BNC2: variants seen among roughly 807,000 people sequenced by gnomAD.
BNC2 encodes zinc finger protein basonuclin-2.
Under a neutral mutation model 76.3 loss-of-function variants are expected in BNC2, and 20 were observed. That is an observed-to-expected ratio of 0.26 (90% confidence interval 0.18 to 0.38). The LOEUF (loss-of-function observed/expected upper bound fraction) is 0.38, where lower values mean the gene tolerates loss of function less well. BNC2 is among the 10% of genes least tolerant of loss of function. The pLI is 1.00. For missense variants in BNC2, 1,382 were observed against 1,399.8 expected, an observed-to-expected ratio of 0.99 and a Z score of 0.20; for synonymous variants, 582 against 514.8, an observed-to-expected ratio of 1.13 and a Z score of -1.77.
intron 3 of BNC2, among the ~76,000 whole-genome samples, chr9:16,637,687 A>G (rs1821368698): frequency 6.6e-6 from 1 of 152,246 alleles, no homozygotes; most frequent in Non-Finnish European, 1.5e-5. Context: ...TGTACACACA[A>G]CCATGCATCT....
intron 1 of BNC2, among the ~76,000 whole-genome samples, chr9:16,803,372 C>A (rs1368920881): frequency 2.0e-5 from 3 of 152,092 alleles, no homozygotes; most frequent in African/African-American, 4.8e-5. Context: ...ACCTCTGCCC[C>A]AAAAAGAGCA....
chr9:16,530,722 C>A (rs1817949706), intron 5 of BNC2, among the ~76,000 whole-genome samples: 1 of 152,186 alleles, frequency 6.6e-6, no homozygotes, highest in Admixed American at 6.5e-5. Flanking sequence ...ATGTTGTAAG[C>A]TGTGTGGGCA....
At chr9:16,835,583 C>G (rs1212727902) in intron 1 of BNC2, among the ~76,000 whole-genome samples, 1 of 152,156 alleles carries the variant, frequency 6.6e-6, no homozygotes, top group Non-Finnish European at 1.5e-5. Context: ...TGCCTTTAGT[C>G]CCAGCTACTT....
chr9:16,748,861 A>G (rs1825091306), intron 1 of BNC2, among the ~76,000 whole-genome samples: 1 of 146,940 alleles, frequency 6.8e-6, no homozygotes, highest in Non-Finnish European at 1.5e-5. Flanking sequence ...AAAAAAAAAA[A>G]AAAGCAATGG....
At chr9:16,558,539 C>A (rs943832008) in intron 4 of BNC2, among the ~76,000 whole-genome samples, 6 of 152,148 alleles carry the variant, frequency 3.9e-5, no homozygotes, top group African/African-American at 1.4e-4. Context: ...GTCCCCTCTG[C>A]CATTTTCTCA....
At chr9:16,681,716 C>A (rs1822826859) in intron 3 of BNC2, among the ~76,000 whole-genome samples, 1 of 152,168 alleles carries the variant, frequency 6.6e-6, no homozygotes, top group Non-Finnish European at 1.5e-5. Flanking sequence ...AACATGCAGT[C>A]ACTTGACTTG....
In BNC2 at chr9:16,416,654, T is replaced by C. The variant is rs561548620; in HGVS notation, c.*2335A>G. 4.6e-4 allele frequency: 71 copies of C among 152,734 alleles called. No individual in the cohort carries two copies. The highest frequency in any genetic ancestry group is 1.7e-3 in the African/African-American group (69 of 41,576). 9.5% of individuals were successfully genotyped at this position (152,734 alleles called of 1,614,324 possible). On this transcript the variant is annotated 3_prime_UTR_variant, in exon 7 of 7. Transcript: ENST00000380672. ...GATATAGTTTCTTTTGTACTGCAAA[T>C]ACTTTTGGTCTTTCCTCCCCGTAGA...
intron 6 of BNC2, among the ~76,000 whole-genome samples, chr9:16,431,053 T>C (rs1820898519): frequency 1.3e-5 from 2 of 152,134 alleles, no homozygotes; most frequent in South Asian, 2.1e-4. Context: ...GCCACTACTC[T>C]GAGAAGAAGA....
intron 1 of BNC2, among the ~76,000 whole-genome samples, chr9:16,771,145 G>C (rs1825822229): frequency 6.6e-6 from 1 of 152,054 alleles, no homozygotes. Flanking sequence ...CTCCAGCCTG[G>C]GTGACAGAGC....
rs370550060 is a variant in BNC2 at position 16,747,018 on chromosome 9, A to G, written c.4-8533T>C. ...AAAAGAATTATACTTTCCACCTAAC[A>G]GATATTAAAACATCTGAAATTCTTC... On this transcript the variant is annotated intron_variant, in intron 1 of 6. Transcript: ENST00000380672. Among the ~76,000 whole-genome samples, 23 of 152,250 alleles carry G rather than the reference A, an allele frequency of 1.5e-4. No homozygotes were observed. The East Asian group carries it at 2.7e-3, about 18-fold the overall frequency.
At chr9:16,557,274 G>A (rs1027484624) in intron 4 of BNC2, among the ~76,000 whole-genome samples, 11 of 152,062 alleles carry the variant, frequency 7.2e-5, no homozygotes, top group Admixed American at 3.9e-4. Context: ...TGCAGTGGGC[G>A]AATAACCCGA....
rs1308561371 is a variant in BNC2, at chr9:16,410,251, T to C, written c.*8738A>G. 2 of 152,238 alleles carry C rather than the reference T, an allele frequency of 1.3e-5. No homozygotes were observed. Among genetic ancestry groups the C allele is most frequent in the African/African-American group, 4.8e-5 (2 of 41,422 alleles). 9.4% of individuals were successfully genotyped at this position (152,238 alleles called of 1,614,324 possible). A position where few individuals can be genotyped will look rare whatever the true frequency, so the allele number is the denominator to read the frequency against. ...AGGCAGAAAAGCAGCAAGGACTTCA[T>C]GGAAGAAGCCAGGCAAGGTGTGAGG... is the stretch of plus-strand genomic sequence containing the variant. On this transcript the variant is annotated 3_prime_UTR_variant, in exon 7 of 7. Transcript: ENST00000380672.
intron 3 of BNC2, among the ~76,000 whole-genome samples, chr9:16,616,786 A>AGGAG (rs1414455929): frequency 7.3e-6 from 1 of 136,950 alleles, no homozygotes. Context: ...GAGGGGAGGA[A>AGGAG]GGAGGGAAGG....
chr9:16,643,250 G>A (rs1821538023), intron 3 of BNC2, among the ~76,000 whole-genome samples: 1 of 149,672 alleles, frequency 6.7e-6, no homozygotes, highest in Non-Finnish European at 1.5e-5. Context: ...AGGTTGCAGT[G>A]AGCCAAGATC....
chr9:16,573,227 A>G (rs1370222568), intron 4 of BNC2, among the ~76,000 whole-genome samples: 1 of 147,280 alleles, frequency 6.8e-6, no homozygotes, highest in African/African-American at 2.7e-5. Context: ...GTCTCAAAAA[A>G]AAAAAAAAAA....
chr9:16,525,875 T>C (rs1289695679), intron 5 of BNC2, among the ~76,000 whole-genome samples: 1 of 152,202 alleles, frequency 6.6e-6, no homozygotes, highest in Non-Finnish European at 1.5e-5. Context: ...ACCACAGTCC[T>C]TTATATAATT....
intron 4 of BNC2, among the ~76,000 whole-genome samples, chr9:16,577,737 A>C (rs1368137756): frequency 6.6e-6 from 1 of 152,204 alleles, no homozygotes; most frequent in Non-Finnish European, 1.5e-5. Context: ...TACAGAACAT[A>C]ATAAAAGAAA....
chr9:16,820,372 G>A (rs1290008353), intron 1 of BNC2, among the ~76,000 whole-genome samples: 2 of 151,988 alleles, frequency 1.3e-5, no homozygotes, highest in South Asian at 4.1e-4. Flanking sequence ...GTTGCAGTGA[G>A]CCGAGATCGC....
At chr9:16,656,345 G>A (rs904703453) in intron 3 of BNC2, among the ~76,000 whole-genome samples, 1 of 152,184 alleles carries the variant, frequency 6.6e-6, no homozygotes, top group African/African-American at 2.4e-5. Flanking sequence ...CACCCATGCT[G>A]AGGAGTTTCT....
Sources: allele counts gnomAD v4.1 joint callset (sites outside exome capture counted in the v4.1 genomes callset), GRCh38; gene constraint gnomAD v4.1.1; transcripts MANE v1.5; gene names NCBI Gene and HGNC (gene_info 2026-07-23, HGNC 2026-07-21).